Variants in ZNF710 observed in about 807,000 individuals in gnomAD.
ZNF710 encodes the protein zinc finger protein 710.
ZNF710 carries 13 observed loss-of-function variants against 50.6 expected under a neutral mutation model. The ratio of observed to expected loss-of-function variants is 0.26; its 90% CI spans 0.17 to 0.41. The LOEUF is 0.41. ZNF710 is among the 10% of genes least tolerant of loss of function. The probability of loss-of-function intolerance (pLI) is 1.00; values close to 1 mark genes in which losing one functional copy is unlikely to be tolerated. For missense variants in ZNF710, 721 were observed against 936.6 expected (o/e 0.77, Z 3.01); for synonymous variants, 383 against 397.0 (o/e 0.96, Z 0.42).
At position 90,034,448 on chromosome 15, in the gene ZNF710, G is replaced by A. The variant is rs1176842678; in HGVS notation, c.-28-32662G>A. Among the ~76,000 whole-genome samples the A allele has an allele frequency of 6.6e-6, 1 of 150,854 alleles. No individual in the cohort carries two copies. Among genetic ancestry groups the A allele is most frequent in the African/African-American group, 2.4e-5 (1 of 40,996 alleles). On this transcript the variant is annotated intron_variant, in intron 1 of 4. Coordinates refer to ENST00000268154, the MANE Select transcript of ZNF710 (RefSeq NM_198526.4). This position sits in a 1 kb window ranked among gnomAD's most constrained non-coding sequence, Gnocchi z 4.0. ...AATTCCTGTGTGTGTGTGTGTGTGT[G>A]TGTGTGTGTGTGTGTGTGTGTGTGT...
At chr15:90,053,140 G>A (rs1899698045) in intron 1 of ZNF710, among the ~76,000 whole-genome samples, 1 of 152,158 alleles carries the variant, frequency 6.6e-6, no homozygotes, top group Admixed American at 6.5e-5. Flanking sequence ...TTACTCAGAG[G>A]CAATTTAGAA....
At chr15:90,001,171 A>G (rs1408481080), upstream of ZNF710, among the ~76,000 whole-genome samples, 1 of 152,204 alleles carries the variant, frequency 6.6e-6, no homozygotes, top group African/African-American at 2.4e-5. Context: ...CGAGTGGGAG[A>G]GTTGAACCGA....
intron 1 of ZNF710, among the ~76,000 whole-genome samples, chr15:90,030,329 C>CAAAAAAAAAAAAAAAAAAA (rs10685083): frequency 2.0e-5 from 1 of 50,506 alleles, no homozygotes; most frequent in African/African-American, 7.6e-5. Context: ...AACTCCATCT[C>CAAAAAAAAAAAAAAAAAAA]AAAAAAAAAA....
At chr15:90,048,942 G>A (rs540157575) in intron 1 of ZNF710, among the ~76,000 whole-genome samples, 4 of 152,246 alleles carry the variant, frequency 2.6e-5, no homozygotes, top group South Asian at 2.1e-4. Flanking sequence ...CCGTGGGACC[G>A]GGTCCATTCC....
chr15:90,010,185 A>G (rs145711760), intron 1 of ZNF710, among the ~76,000 whole-genome samples: 76 of 152,290 alleles, frequency 5.0e-4, no homozygotes, highest in Non-Finnish European at 6.8e-4. Context: ...TGTCTCCTGT[A>G]GACAGCCTAG....
chr15:90,004,869 G>T, intron 1 of ZNF710, among the ~76,000 whole-genome samples: 2 of 152,372 alleles, frequency 1.3e-5, no homozygotes, highest in South Asian at 4.1e-4. Flanking sequence ...TGTGCTGGAG[G>T]ATGTGACTGG....
chr15:90,047,264 C>T (rs1010957539), intron 1 of ZNF710, among the ~76,000 whole-genome samples: 1 of 152,206 alleles, frequency 6.6e-6, no homozygotes, highest in African/African-American at 2.4e-5. Flanking sequence ...GTGGCCCAGG[C>T]GAGCTGCTGA....
chr15:90,038,471 C>T (rs978954905), intron 1 of ZNF710, among the ~76,000 whole-genome samples: 4 of 152,184 alleles, frequency 2.6e-5, no homozygotes, highest in Non-Finnish European at 2.9e-5. Context: ...CCGTTAAGTA[C>T]GTCAGCAGGT....
intron 1 of ZNF710, among the ~76,000 whole-genome samples, chr15:90,013,519 G>T (rs1199153778): frequency 6.6e-6 from 1 of 152,170 alleles, no homozygotes. Context: ...CCTTCTGCTA[G>T]GTACCTGAAG....
At chr15:90,044,116 G>C (rs1473565916) in intron 1 of ZNF710, among the ~76,000 whole-genome samples, 4 of 152,186 alleles carry the variant, frequency 2.6e-5, no homozygotes, top group Admixed American at 1.3e-4. Flanking sequence ...TTTTCTTTTA[G>C]GCTCCTGCTT....
At chr15:90,008,429 T>TATATAC (rs1567218369) in intron 1 of ZNF710, among the ~76,000 whole-genome samples, 15 of 138,528 alleles carry the variant, frequency 1.1e-4, no homozygotes, top group African/African-American at 4.3e-4. Context: ...TGTGTGTGTA[T>TATATAC]ATATATATAT....
intron 1 of ZNF710, among the ~76,000 whole-genome samples, chr15:90,012,658 T>C (rs1441694250): frequency 1.3e-5 from 2 of 152,122 alleles, no homozygotes; most frequent in East Asian, 1.9e-4. Context: ...GGTAATTTCT[T>C]GTTTTCTAGG....
chr15:90,038,707 C>CTGTGTG (rs144152063), intron 1 of ZNF710, among the ~76,000 whole-genome samples: 3,701 of 143,660 alleles, frequency 0.026, 69 homozygotes, highest in Admixed American at 0.047. Flanking sequence ...CCTCCCTGCT[C>CTGTGTG]TGTGTGTGTG....
At position 90,059,396 on chromosome 15, in the gene ZNF710, G is replaced by A. The variant is rs892677970; in HGVS notation, c.-28-7714G>A. Among the ~76,000 whole-genome samples, 3 of 152,226 alleles carry A rather than the reference G, an allele frequency of 2.0e-5. No homozygotes were observed. Among genetic ancestry groups the A allele is most frequent in the East Asian group, 1.9e-4 (1 of 5,202 alleles). On this transcript the variant is annotated intron_variant, in intron 1 of 4. Transcript: ENST00000268154. This position sits in a 1 kb window ranked among gnomAD's most constrained non-coding sequence, Gnocchi z 4.1. ...GCATTCTAGCCCTTGCTCCCCCACC[G>A]TCTCACTGTGTGACCTTGGACCATT...
intron 1 of ZNF710, among the ~76,000 whole-genome samples, chr15:90,042,657 A>C (rs1183941322): frequency 1.3e-5 from 2 of 152,222 alleles, no homozygotes; most frequent in East Asian, 3.9e-4. Context: ...ACTGAGAGAC[A>C]GCAGGAGAAG....
intron 1 of ZNF710, among the ~76,000 whole-genome samples, chr15:90,048,381 A>AG (rs1223073981): frequency 7.2e-5 from 11 of 152,256 alleles, no homozygotes; most frequent in African/African-American, 2.7e-4. Flanking sequence ...CGGGGTTCCC[A>AG]GGGGCAGGCC....
intron 1 of ZNF710, among the ~76,000 whole-genome samples, chr15:90,058,711 A>T (rs1274895724): frequency 6.8e-6 from 1 of 146,220 alleles, no homozygotes; most frequent in Non-Finnish European, 1.5e-5. Flanking sequence ...TTATATATAT[A>T]TATATATACA....
rs1218272975 is a variant in ZNF710, at chr15:90,068,811, G to A, written c.1458+216G>A. ...TTTATGCATTCAAAAACATGTATTTGGCCAGGCACAATGGCTCATGCCTGT... is the reference window on the plus strand; with the variant it reads ...TTTATGCATTCAAAAACATGTATTTAGCCAGGCACAATGGCTCATGCCTGT... On this transcript the variant is annotated intron_variant, in intron 2 of 4. Transcript: ENST00000268154. The surrounding 1 kb of genome is among the most constrained non-coding windows in gnomAD (Gnocchi z 5.0). Among the ~76,000 whole-genome samples the A allele has an allele frequency of 6.6e-6, 1 of 152,218 alleles. No homozygotes were observed. Among genetic ancestry groups the A allele is most frequent in the Non-Finnish European group, 1.5e-5 (1 of 68,046 alleles).
chr15:90,047,661 C>G (rs111419055), intron 1 of ZNF710, among the ~76,000 whole-genome samples: 1 of 150,828 alleles, frequency 6.6e-6, no homozygotes, highest in Admixed American at 6.6e-5. Flanking sequence ...CTCAGCTCAC[C>G]GCAACCTCCA....
Sources: allele counts gnomAD v4.1 joint callset (sites outside exome capture counted in the v4.1 genomes callset), GRCh38; gene constraint gnomAD v4.1.1; non-coding constraint Gnocchi (gnomAD v3.1); transcripts MANE v1.5; gene names NCBI Gene and HGNC (gene_info 2026-07-23, HGNC 2026-07-21).